Variants in SUPT16H observed in about 807,000 individuals in gnomAD.
SUPT16H encodes the protein SPT16 homolog, facilitates chromatin remodeling subunit.
In SUPT16H, 24 loss-of-function variants were observed where a neutral mutation model predicts 136.2. The observed-to-expected ratio is 0.18, with a 90% CI of 0.13 to 0.25. The LOEUF (loss-of-function observed/expected upper bound fraction) is 0.25. Among genes scored for constraint, SUPT16H ranks in the 10% least tolerant of loss-of-function variants. SUPT16H has a pLI of 1.00. For synonymous variants in SUPT16H, 415 were observed against 428.2 expected, an observed-to-expected ratio of 0.97 and a Z score of 0.38; for missense variants, 623 against 1,270.2, an observed-to-expected ratio of 0.49 and a Z score of 7.74.
intron 3 of SUPT16H, among the ~76,000 whole-genome samples, chr14:21,370,781 ATTTT>A (rs113154650): frequency 3.6e-4 from 50 of 139,492 alleles, no homozygotes; most frequent in Non-Finnish European, 6.9e-4. Context: ...GCCTGGATAA[ATTTT>A]TTTTTTTTTT....
rs769896127 is a variant in SUPT16H, at chr14:21,360,418, G to T, written c.2172C>A (p.Leu724=). The change falls in exon 18 of 26, where the codon CTC becomes CTA. Residue 724 remains leucine, a synonymous_variant. Coordinates refer to ENST00000216297, the MANE Select transcript of SUPT16H (RefSeq NM_007192.4). ...CTAGTTAAGTAGAAAGGTATACCTT[G>T]AGGTGAAAGTGCAAGACAATAATCA... is the stretch of plus-strand genomic sequence containing the variant. ...GEMIIVLHFH[L]KNAIMFGKKR... 2.5e-6 allele frequency: 4 copies of T among 1,607,450 alleles called. No homozygotes were observed. The highest frequency in any genetic ancestry group is 1.7e-5 in the Admixed American group (1 of 59,846).
At position 21,372,019 on chromosome 14, in the gene SUPT16H, G is replaced by A. The variant is rs1361421511; in HGVS notation, c.185C>T (p.Thr62Ile). The A allele has an allele frequency of 6.2e-7, 1 of 1,613,522 alleles. No individual in the cohort carries two copies. The highest frequency in any genetic ancestry group is 8.5e-7 in the Non-Finnish European group (1 of 1,179,906). ...LQTWLFGYEL[T>I]DTIMVFCDDK... ...ATCACAAAAGACCATGATAGTATCA[G>A]TTAGTTCATAACCAAAGAGCCATGT... Residue 62 changes from threonine (T) to isoleucine (I), a missense_variant, in exon 3 of 26, where the codon ACT becomes ATT. Around this residue, in one of 7 missense-constraint regions of SUPT16H, gnomAD observed 343 missense variants for 525.7 expected, o/e 0.65. Coordinates refer to ENST00000216297, the MANE Select transcript of SUPT16H (RefSeq NM_007192.4).
intron 13 of SUPT16H, 22 bp from the exon 14 acceptor site, chr14:21,362,969 ACT>A: frequency 6.2e-7 from 1 of 1,613,302 alleles, no homozygotes; most frequent in South Asian, 1.1e-5. Flanking sequence ...TAAAAAAACA[ACT>A]GAGAAATTTC....
At chr14:21,377,989 T>C (rs1886940008) in intron 1 of SUPT16H, among the ~76,000 whole-genome samples, 1 of 152,172 alleles carries the variant, frequency 6.6e-6, no homozygotes, top group African/African-American at 2.4e-5. Flanking sequence ...CAGAGGCTCT[T>C]GGATATAGGG....
At chr14:21,358,203 T>C in intron 20 of SUPT16H, 112 bp downstream of exon 20, 8 of 830,964 alleles carry the variant, frequency 9.6e-6, no homozygotes, top group Non-Finnish European at 1.5e-5. Flanking sequence ...TCAAAGATTA[T>C]TAGTCATAGG....
intron 1 of SUPT16H, among the ~76,000 whole-genome samples, chr14:21,376,912 T>G (rs1012717504): frequency 1.3e-5 from 2 of 152,000 alleles, no homozygotes; most frequent in African/African-American, 4.8e-5. Context: ...ACTAGCCATT[T>G]GAAGACCTGG....
In SUPT16H at chr14:21,352,640, G is replaced by A; in HGVS notation, c.*33C>T. 6.2e-7 allele frequency: 1 copy of A among 1,612,014 alleles called. No homozygotes were observed. The highest frequency in any genetic ancestry group is 2.2e-5 in the East Asian group (1 of 44,878). On this transcript the variant is annotated 3_prime_UTR_variant, in exon 26 of 26. Coordinates refer to ENST00000216297, the MANE Select transcript of SUPT16H (RefSeq NM_007192.4). ...GTAAAATTTTCAGGGGTTGGCTGGA[G>A]GAAGAATGGAGCTCAGGGCCAAAGT...
In SUPT16H at chr14:21,383,856, C is replaced by T. The variant is rs1208072147; in HGVS notation, c.66+6G>A. 8.7e-6 allele frequency: 14 copies of T among 1,614,034 alleles called. No homozygotes were observed. The highest frequency in any genetic ancestry group is 1.3e-5 in the African/African-American group (1 of 75,054). On this transcript the variant is annotated splice_donor_region_variant and intron_variant, in intron 1 of 25. Coordinates refer to ENST00000216297, the MANE Select transcript of SUPT16H (RefSeq NM_007192.4). ...TCCCTAGGAAAAATTACAGGATCTT[C>T]CTCACCCGCCAATTGCTGTACAGTC... is the stretch of plus-strand genomic sequence containing the variant.
Position 21,370,372 on chromosome 14 carries a change from G to C in SUPT16H, c.447C>G (p.Ser149Arg), listed in dbSNP as rs1235671196. 1 of 1,612,636 alleles carries C rather than the reference G, an allele frequency of 6.2e-7. No individual in the cohort carries two copies. The highest frequency in any genetic ancestry group is 1.3e-5 in the African/African-American group (1 of 74,864). Residue 149 changes from serine (S) to arginine (R), a missense_variant, in exon 4 of 26, where the codon AGC becomes AGG. By Grantham distance (110) the Ser-to-Arg change is moderately radical. Coordinates refer to ENST00000216297, the MANE Select transcript of SUPT16H (RefSeq NM_007192.4). ...CTTCTTTGTTGAGGCAGTCATTCCA[G>C]CTCTTCATGAACTCTCCAGGGAATT... ...KDKFPGEFMK[S>R]WNDCLNKEGF... is the part of the protein sequence containing the mutation.
rs761192331 is a variant in SUPT16H at position 21,352,764 on chromosome 14, C to T, written c.3053G>A (p.Arg1018Gln). The change falls in exon 26 of 26, where the codon CGG becomes CAG. Residue 1018 changes from arginine (R) to glutamine (Q), a missense_variant. Transcript: ENST00000216297. ...ACTGTGCACAGATGCCTTCCTCTTC[C>T]GGCTCATACTTCGACTTTGTTCTTC... ...EEEEQSRSMS[R>Q]KRKASVHSSG... 29 of 1,613,860 alleles carry T rather than the reference C, an allele frequency of 1.8e-5. No homozygotes were observed. Among genetic ancestry groups the T allele is most frequent in the African/African-American group, 6.7e-5 (5 of 74,850 alleles).
At position 21,375,541 on chromosome 14, in the gene SUPT16H, T is replaced by C. The variant is rs181509175; in HGVS notation, c.67-2111A>G. ...GTGCATTTTATTTTCACTTTCTTGATAGTGTCCTTTGAAGCACCAAAGTTT... is the reference window on the plus strand; with the variant it reads ...GTGCATTTTATTTTCACTTTCTTGACAGTGTCCTTTGAAGCACCAAAGTTT... On this transcript the variant is annotated intron_variant, in intron 1 of 25. Transcript: ENST00000216297. Among the ~76,000 whole-genome samples, 712 of 152,338 alleles carry C rather than the reference T, an allele frequency of 4.7e-3. 5 individuals carry two copies. Among genetic ancestry groups the C allele is most frequent in the African/African-American group, 0.016 (675 of 41,582 alleles).
Position 21,368,365 on chromosome 14 carries a change from C to CA in SUPT16H, c.858dup (p.Val287CysfsTer7). The CA allele has an allele frequency of 6.2e-7, 1 of 1,614,110 alleles. No homozygotes were observed. The highest frequency in any genetic ancestry group is 8.5e-7 in the Non-Finnish European group (1 of 1,180,004). Reference sequence around the variant, plus strand: ...GAAGGATCAACCATCAAAGTGCGAACAAGGTTGGAGCAGTAAGACTTGAAG... The same window carrying CA: ...GAAGGATCAACCATCAAAGTGCGAACAAAGGTTGGAGCAGTAAGACTTGAAG... On this transcript the variant is annotated frameshift_variant, in exon 7 of 26. Coordinates refer to ENST00000216297, the MANE Select transcript of SUPT16H (RefSeq NM_007192.4). LOFTEE classifies it high-confidence loss of function.
At chr14:21,375,254 T>C (rs2139416496) in intron 1 of SUPT16H, among the ~76,000 whole-genome samples, 1 of 49,252 alleles carries the variant, frequency 2.0e-5, no homozygotes, top group Admixed American at 1.9e-4. Flanking sequence ...CCTCAAGTGA[T>C]CCGCCCCCAC....
chr14:21,375,194 A>G (rs1207134727), intron 1 of SUPT16H, among the ~76,000 whole-genome samples: 1 of 151,916 alleles, frequency 6.6e-6, no homozygotes, highest in Non-Finnish European at 1.5e-5. Context: ...TATATTTCTT[A>G]GTAGAGACGA....
chr14:21,380,607 T>A (rs1887002255), intron 1 of SUPT16H, among the ~76,000 whole-genome samples: 1 of 152,110 alleles, frequency 6.6e-6, no homozygotes, highest in Admixed American at 6.6e-5. Flanking sequence ...TTCTTTGGGG[T>A]CAGTCTTCCA....
At chr14:21,353,354 G>A in intron 25 of SUPT16H, 134 bp downstream of exon 25, 1 of 820,506 alleles carries the variant, frequency 1.2e-6, no homozygotes, top group South Asian at 1.7e-5. Context: ...AGTTGTATCT[G>A]TGGCTCCAAA....
At chr14:21,352,950 T>A (rs753609811) in intron 25 of SUPT16H, 132 bp from the exon 26 acceptor site, 4 of 1,210,030 alleles carry the variant, frequency 3.3e-6, no homozygotes, top group Non-Finnish European at 4.7e-6. Flanking sequence ...AAGTACTTTC[T>A]GAACCTTGGT....
chr14:21,368,127 C>A, intron 7 of SUPT16H, 142 bp downstream of exon 7: 1 of 784,526 alleles, frequency 1.3e-6, no homozygotes, highest in Non-Finnish European at 2.0e-6. Context: ...CCTCATTGCC[C>A]AGGCTGGTCT....
chr14:21,372,728 G>A (rs1295669235), intron 2 of SUPT16H: 1 of 431,784 alleles, frequency 2.3e-6, no homozygotes, highest in Non-Finnish European at 4.5e-6. Context: ...CTATACATAA[G>A]GAAAAGAATA....
Sources: allele counts gnomAD v4.1 joint callset (sites outside exome capture counted in the v4.1 genomes callset), GRCh38; gene constraint gnomAD v4.1.1; regional missense constraint gnomAD v4.1.1; transcripts MANE v1.5; gene names NCBI Gene and HGNC (gene_info 2026-07-23, HGNC 2026-07-21).